The following EHMT1 variants were observed in gnomAD, a reference collection of about 807,000 sequenced individuals.
The protein encoded by EHMT1 is histone-lysine N-methyltransferase EHMT1.
A neutral mutation model predicts 147.2 loss-of-function variants in EHMT1; 15 were observed. The ratio of observed to expected loss-of-function variants is 0.10; its 90% confidence interval spans 0.07 to 0.16. EHMT1 has a LOEUF of 0.16. Among genes scored for constraint, EHMT1 ranks in the 10% least tolerant of loss-of-function variants. The pLI is 1.00. For missense variants in EHMT1, 1,587 were observed against 1,772.4 expected (o/e 0.90, Z 1.88); for synonymous variants, 795 against 709.6 (o/e 1.12, Z -1.91).
At chr9:137,760,826 A>G (rs148535486) in intron 9 of EHMT1, among the ~76,000 whole-genome samples, 2,142 of 152,252 alleles carry the variant, frequency 0.014, 23 homozygotes, top group Middle Eastern at 0.027. Flanking sequence ...TGGCTAACAC[A>G]GTGAAACCCC....
At chr9:137,816,450 T>G in intron 23 of EHMT1, 14 of 344,068 alleles carry the variant, frequency 4.1e-5, no homozygotes, top group Admixed American at 1.2e-4. Context: ...TTCTCTGGGC[T>G]TCCCTAACAG....
rs2136219548 is a variant in EHMT1, at chr9:137,754,269, A to G, written c.1347A>G (p.Arg449=). ...CCAGGAAAAGGAGGCGGAGAAGTAGAAAGAAGCCCAGCGGTGCCCTCGGTA... is the reference window on the plus strand; with the variant it reads ...CCAGGAAAAGGAGGCGGAGAAGTAGGAAGAAGCCCAGCGGTGCCCTCGGTA... ...KPARKRRRRS[R]KKPSGALGSE... is the part of the protein sequence containing the mutation. The change falls in exon 8 of 27, where the codon AGA becomes AGG. Residue 449 remains arginine, a synonymous_variant. Coordinates refer to ENST00000460843, the MANE Select transcript of EHMT1 (RefSeq NM_024757.5). 6.2e-7 allele frequency: 1 copy of G among 1,614,126 alleles called. No individual in the cohort carries two copies. Among genetic ancestry groups the G allele is most frequent in the Non-Finnish European group, 8.5e-7 (1 of 1,180,002 alleles).
At chr9:137,717,707 C>T (rs564573968) in intron 3 of EHMT1, among the ~76,000 whole-genome samples, 1 of 151,844 alleles carries the variant, frequency 6.6e-6, no homozygotes, top group Non-Finnish European at 1.5e-5. Flanking sequence ...TGTGCTTTCT[C>T]TTCTCACAGG....
At chr9:137,715,445 A>G in intron 2 of EHMT1, 1 of 753,346 alleles carries the variant, frequency 1.3e-6, no homozygotes, top group South Asian at 6.0e-5. Context: ...ATAGGACTTA[A>G]CGTCCTCGGG....
intron 1 of EHMT1, among the ~76,000 whole-genome samples, chr9:137,623,670 T>C (rs1843078574): frequency 6.6e-6 from 1 of 152,206 alleles, no homozygotes; most frequent in African/African-American, 2.4e-5. Flanking sequence ...ACCTGCCCAC[T>C]TCGGCCTCCT....
rs887157019 is a variant in EHMT1 at position 137,731,524 on chromosome 9, G to A, written c.823+2995G>A. Among the ~76,000 whole-genome samples, 2 of 152,148 alleles carry A rather than the reference G, an allele frequency of 1.3e-5. No individual in the cohort carries two copies. The highest frequency in any genetic ancestry group is 2.9e-5 in the Non-Finnish European group (2 of 68,010). Reference sequence around the variant, plus strand: ...CCCGGGGGTGCAGAGTCCACTTATCGGGATGGCAGAGAGAGACAAAGGCCT... The same window carrying A: ...CCCGGGGGTGCAGAGTCCACTTATCAGGATGGCAGAGAGAGACAAAGGCCT... On this transcript the variant is annotated intron_variant, in intron 4 of 26. Transcript: ENST00000460843. The surrounding 1 kb of genome is among the most constrained non-coding windows in gnomAD (Gnocchi z 4.3).
At chr9:137,728,833 C>G (rs1375510275) in intron 4 of EHMT1, among the ~76,000 whole-genome samples, 1 of 152,190 alleles carries the variant, frequency 6.6e-6, no homozygotes, top group Non-Finnish European at 1.5e-5. Context: ...GAGTTGGAAG[C>G]TTTCCTGGTT....
chr9:137,647,298 C>T (rs562186511), intron 1 of EHMT1, among the ~76,000 whole-genome samples: 1 of 152,298 alleles, frequency 6.6e-6, no homozygotes, highest in South Asian at 2.1e-4. Flanking sequence ...AGGTTGACTC[C>T]ATGTTGACTG....
chr9:137,770,987 A>C (rs1950549685), intron 10 of EHMT1, among the ~76,000 whole-genome samples: 1 of 150,568 alleles, frequency 6.6e-6, no homozygotes, highest in South Asian at 2.1e-4. Context: ...AACTGATAGA[A>C]TTGCATGTTT....
chr9:137,767,817 T>TA (rs528699208), intron 10 of EHMT1, among the ~76,000 whole-genome samples: 4 of 151,640 alleles, frequency 2.6e-5, no homozygotes, highest in Non-Finnish European at 4.4e-5. Flanking sequence ...CATCTCAAAT[T>TA]AAAAAAAAAT....
intron 25 of EHMT1, among the ~76,000 whole-genome samples, chr9:137,822,067 C>G (rs1955460675): frequency 6.6e-6 from 1 of 152,214 alleles, no homozygotes; most frequent in African/African-American, 2.4e-5. Context: ...TCTGTCACCC[C>G]CAAATCCCCT....
At chr9:137,739,314 C>T (rs1189077258) in intron 4 of EHMT1, among the ~76,000 whole-genome samples, 2 of 150,664 alleles carry the variant, frequency 1.3e-5, no homozygotes, top group Non-Finnish European at 2.9e-5. Context: ...GGAGATCGCA[C>T]CAATGCACTC....
Position 137,782,277 on chromosome 9 carries a change from GTGTT to G in EHMT1, c.2276-9_2276-6del. Reference sequence around the variant, plus strand: ...TACATCTGAAATCATTAATAAAACTGTGTTTGTTCACAGTGGACGGAATTGACCC... The same window carrying G: ...TACATCTGAAATCATTAATAAAACTGTGTTCACAGTGGACGGAATTGACCC... On this transcript the variant is annotated splice_polypyrimidine_tract_variant and intron_variant, in intron 14 of 26. Transcript: ENST00000460843. The surrounding 1 kb of genome is among the most constrained non-coding windows in gnomAD (Gnocchi z 5.7). The G allele has an allele frequency of 6.2e-7, 1 of 1,608,192 alleles. No homozygotes were observed. The highest frequency in any genetic ancestry group is 8.5e-7 in the Non-Finnish European group (1 of 1,175,712).
At chr9:137,830,024 AAGT>A (rs1956082634) in intron 25 of EHMT1, among the ~76,000 whole-genome samples, 1 of 152,228 alleles carries the variant, frequency 6.6e-6, no homozygotes, top group Admixed American at 6.5e-5. Context: ...CAGAGGGAGG[AAGT>A]AGCAGCAAAG....
At chr9:137,669,379 A>C (rs1373210801) in intron 1 of EHMT1, among the ~76,000 whole-genome samples, 52 of 42,330 alleles carry the variant, frequency 1.2e-3, no homozygotes, top group Admixed American at 1.6e-3. Context: ...CGTGCACTGG[A>C]CTCCACCCAA....
chr9:137,757,849 G>A, intron 8 of EHMT1, 31 bp from the exon 9 acceptor site: 1 of 1,612,956 alleles, frequency 6.2e-7, no homozygotes, highest in Non-Finnish European at 8.5e-7. Flanking sequence ...CTGGGTGCGT[G>A]GTGTCTGATG....
intron 3 of EHMT1, among the ~76,000 whole-genome samples, chr9:137,717,982 A>G (rs1945515752): frequency 6.6e-6 from 1 of 152,226 alleles, no homozygotes; most frequent in Non-Finnish European, 1.5e-5. Context: ...TGAGTCTTGA[A>G]TCCTGAGCGC....
At chr9:137,682,700 G>C (rs1430756882) in intron 1 of EHMT1, among the ~76,000 whole-genome samples, 3 of 152,204 alleles carry the variant, frequency 2.0e-5, no homozygotes, top group Non-Finnish European at 4.4e-5. Flanking sequence ...CGCCTTCCCC[G>C]TGGGCGGTGA....
chr9:137,665,862 G>A (rs913812738), intron 1 of EHMT1: 3 of 152,270 alleles, frequency 2.0e-5, no homozygotes, highest in Admixed American at 6.5e-5. Flanking sequence ...GCCGCGTGCA[G>A]CTCTGGAATC....
Sources: allele counts gnomAD v4.1 joint callset (sites outside exome capture counted in the v4.1 genomes callset), GRCh38; gene constraint gnomAD v4.1.1; non-coding constraint Gnocchi (gnomAD v3.1); transcripts MANE v1.5; gene names NCBI Gene and HGNC (gene_info 2026-07-23, HGNC 2026-07-21).